ZMAT1: variants seen among roughly 807,000 people sequenced by gnomAD.
ZMAT1 encodes the protein zinc finger matrin-type protein 1.
In ZMAT1, 11 loss-of-function variants were observed where a neutral mutation model predicts 18.5. The observed-to-expected ratio is 0.59, with a 90% CI of 0.37 to 0.98. The LOEUF (loss-of-function observed/expected upper bound fraction) is 0.98, where lower values mean the gene tolerates loss of function less well. Among genes scored for constraint, ZMAT1 ranks in the 50% least tolerant of loss-of-function variants. ZMAT1 has a pLI of 0.01. For synonymous variants in ZMAT1, 211 were observed against 176.4 expected, an observed-to-expected ratio of 1.20 and a Z score of -1.55; for missense variants, 525 against 496.2, an observed-to-expected ratio of 1.06 and a Z score of -0.55.
intron 4 of ZMAT1, chrX:101,894,347 G>A (rs1351419627): frequency 7.9e-6 from 5 of 633,141 alleles, no homozygotes. Context: ...GGAAGCGCAG[G>A]GCTGGAGATA....
intron 4 of ZMAT1, chrX:101,894,978 T>C (rs988897233): frequency 5.2e-5 from 30 of 574,709 alleles, no homozygotes; most frequent in Non-Finnish European, 6.3e-5. Flanking sequence ...TCAGTCTCTT[T>C]ACTGTGCCTG....
chrX:101,896,825 C>A (rs768853726), intron 4 of ZMAT1, among the ~76,000 whole-genome samples: 1 of 111,284 alleles, frequency 9.0e-6, no homozygotes, highest in East Asian at 2.8e-4. Context: ...AGTCAGTTTT[C>A]TCATATGTGC....
intron 1 of ZMAT1, among the ~76,000 whole-genome samples, chrX:101,928,757 C>T (rs1202003115): frequency 8.9e-6 from 1 of 112,142 alleles, no homozygotes; most frequent in Non-Finnish European, 1.9e-5. Context: ...CATTGCTACA[C>T]AAACGGATTA....
At chrX:101,899,043 C>CA (rs1008210220) in intron 2 of ZMAT1, among the ~76,000 whole-genome samples, 47 of 105,106 alleles carry the variant, frequency 4.5e-4, no homozygotes, top group Admixed American at 6.1e-4. Flanking sequence ...GACTCTGTCT[C>CA]AAAAAAAAAA....
In ZMAT1 at chrX:101,884,523, C is replaced by T. The variant is rs1264342873; in HGVS notation, c.1075G>A (p.Asp359Asn). Residue 359 changes from aspartate (D) to asparagine (N), a missense_variant, in exon 6 of 6, where the codon GAC becomes AAC. Transcript: ENST00000651725. ...TCTTCAAGTTCATCTTGGAAAGAGTCATATGTCTTCTTTGAATGAGGTAAC... is the reference window on the plus strand; with the variant it reads ...TCTTCAAGTTCATCTTGGAAAGAGTTATATGTCTTCTTTGAATGAGGTAAC... Reference protein sequence around the residue: ...KQLPHSKKTYDSFQDELEDYI... With the variant: ...KQLPHSKKTYNSFQDELEDYI... The T allele has an allele frequency of 2.5e-6, 3 of 1,209,562 alleles. No homozygotes were observed. The highest frequency in any genetic ancestry group is 4.4e-5 in the Admixed American group (2 of 45,650).
At position 101,883,622 on chromosome X, in the gene ZMAT1, T is replaced by C. The variant is rs372063692; in HGVS notation, c.1976A>G (p.His659Arg). Residue 659 changes from histidine (H) to arginine (R), a missense_variant, in exon 6 of 6, where the codon CAT becomes CGT. His to Arg is a conservative substitution (Grantham distance 29). Coordinates refer to ENST00000651725, the MANE Select transcript of ZMAT1 (RefSeq NM_001394560.1). ...KLKHRKKKKSHDVPSEKEERK... is the reference protein window; with the variant it reads ...KLKHRKKKKSRDVPSEKEERK... ...TTCTTCTTTCTCGGAGGGTACATCA[T>C]GGCTTTTTTTCTTTTTTCGATGCTT... The C allele has an allele frequency of 6.3e-5, 76 of 1,207,368 alleles. No homozygotes were observed. The highest frequency in any genetic ancestry group is 8.2e-5 in the Non-Finnish European group (73 of 894,492).
rs372330189 is a variant in ZMAT1, at chrX:101,884,866, T to A, written c.777-45A>T. On this transcript the variant is annotated intron_variant, in intron 5 of 5. Transcript: ENST00000651725. Reference sequence around the variant, plus strand: ...AAATTGTTATTAGATTATTTTATTCTAAATATTTTATTTGTTCTTAAAAGT... The same window carrying A: ...AAATTGTTATTAGATTATTTTATTCAAAATATTTTATTTGTTCTTAAAAGT... 2.7e-3 allele frequency: 2,057 copies of A among 752,754 alleles called. 1 individual carries two copies. The highest frequency in any genetic ancestry group is 3.3e-3 in the Non-Finnish European group (1,743 of 535,001). The allele number at this position is 752,754 out of a possible 1,213,427, so 62.0% of individuals were successfully genotyped here.
In ZMAT1 at chrX:101,883,822, T is replaced by C; in HGVS notation, c.1776A>G (p.Lys592=). Residue 592 remains lysine (K), a synonymous_variant, in exon 6 of 6, where the codon AAA becomes AAG. Transcript: ENST00000651725. ...NNTADHQAGH[K]RKHQKRKRHL... is the part of the protein sequence containing the mutation. ...GTCGTTTTCTCTTCTGATGTTTCCG[T>C]TTATGACCTGCTTGATGGTCAGCAG... The C allele has an allele frequency of 8.3e-7, 1 of 1,210,761 alleles. No individual in the cohort carries two copies. Among genetic ancestry groups the C allele is most frequent in the Non-Finnish European group, 1.1e-6 (1 of 895,160 alleles).
chrX:101,886,506 C>G (rs905555458), intron 5 of ZMAT1, 126 bp downstream of exon 5: 2 of 449,972 alleles, frequency 4.4e-6, no homozygotes, highest in African/African-American at 5.0e-5. Context: ...CAAATATTGC[C>G]AACCATACCC....
At chrX:101,888,831 A>T (rs1162967059) in intron 4 of ZMAT1, 2 of 112,058 alleles carry the variant, frequency 1.8e-5, no homozygotes, top group East Asian at 5.6e-4. Flanking sequence ...GAAAGATTGG[A>T]CACCTCTACC....
At chrX:101,924,394 G>T (rs1421841702) in intron 1 of ZMAT1, among the ~76,000 whole-genome samples, 1 of 112,253 alleles carries the variant, frequency 8.9e-6, no homozygotes, top group African/African-American at 3.2e-5. Flanking sequence ...TTACAGGCGT[G>T]AGCCACCGTG....
At chrX:101,914,278 T>A (rs1445044194) in intron 1 of ZMAT1, among the ~76,000 whole-genome samples, 1 of 110,115 alleles carries the variant, frequency 9.1e-6, no homozygotes, top group Non-Finnish European at 1.9e-5. Flanking sequence ...AAATGATGGA[T>A]CTGAAAGAAC....
chrX:101,929,113 C>T (rs1422237880), intron 1 of ZMAT1, among the ~76,000 whole-genome samples: 1 of 109,599 alleles, frequency 9.1e-6, no homozygotes, highest in African/African-American at 3.3e-5. Flanking sequence ...AGTTTCTAAT[C>T]TCCATTGACA....
intron 1 of ZMAT1, among the ~76,000 whole-genome samples, chrX:101,906,934 C>A (rs1928659400): frequency 9.0e-6 from 1 of 110,748 alleles, no homozygotes; most frequent in African/African-American, 3.3e-5. Context: ...AGGGTCCATG[C>A]CCACTCCTGT....
intron 1 of ZMAT1, among the ~76,000 whole-genome samples, chrX:101,914,794 T>C (rs1929202822): frequency 9.0e-6 from 1 of 111,474 alleles, no homozygotes; most frequent in Admixed American, 9.5e-5. Context: ...ACTAAAACTA[T>C]TCTGAAAAAC....
At chrX:101,918,443 A>AACAC (rs1278350793) in intron 1 of ZMAT1, 2 of 36,728 alleles carry the variant, frequency 5.4e-5, no homozygotes, top group African/African-American at 2.2e-4. Flanking sequence ...TCTCTACTAA[A>AACAC]ATACACACAC....
At chrX:101,906,038 C>A (rs1485004332) in intron 1 of ZMAT1, among the ~76,000 whole-genome samples, 1 of 111,076 alleles carries the variant, frequency 9.0e-6, no homozygotes, top group East Asian at 2.8e-4. Flanking sequence ...GAGAGAGATA[C>A]CCTCTGTGTG....
chrX:101,914,411 G>A (rs1049883112), intron 1 of ZMAT1, among the ~76,000 whole-genome samples: 1 of 110,570 alleles, frequency 9.0e-6, no homozygotes, highest in African/African-American at 3.3e-5. Flanking sequence ...CAAAAAGCTG[G>A]GTTTTTTTTG....
In ZMAT1 at chrX:101,893,873, A is replaced by G. The variant is rs767616859; in HGVS notation, c.676+3995T>C. 3.9e-4 allele frequency among the ~76,000 whole-genome samples: 44 copies of G among 111,560 alleles called. 1 individual carries two copies. The highest frequency in any genetic ancestry group is 6.6e-4 in the Non-Finnish European group (35 of 53,110). ...AACAGGGTAATAGTTTCTGGCAACC[A>G]TATGTAGTTTGCAGGTACTGACCCA... On this transcript the variant is annotated intron_variant, in intron 4 of 5. Coordinates refer to ENST00000651725, the MANE Select transcript of ZMAT1 (RefSeq NM_001394560.1).
Sources: allele counts gnomAD v4.1 joint callset (sites outside exome capture counted in the v4.1 genomes callset), GRCh38; gene constraint gnomAD v4.1.1; transcripts MANE v1.5; gene names NCBI Gene and HGNC (gene_info 2026-07-23, HGNC 2026-07-21).